SEMA6D: variants seen among roughly 807,000 people sequenced by gnomAD.
The protein encoded by SEMA6D is semaphorin 6D, also known as semaphorin-6D.
Under a neutral mutation model 106.6 loss-of-function variants are expected in SEMA6D, and 35 were observed. The observed-to-expected ratio is 0.33, with a 90% confidence interval of 0.25 to 0.44. SEMA6D has a LOEUF of 0.44. Among genes scored for constraint, SEMA6D ranks in the 20% least tolerant of loss-of-function variants. The probability of loss-of-function intolerance (pLI) is 1.00; values close to 1 mark genes in which losing one functional copy is unlikely to be tolerated. For missense variants in SEMA6D, 1,185 were observed against 1,345.9 expected, an observed-to-expected ratio of 0.88 and a Z score of 1.87; for synonymous variants, 499 against 487.7, an observed-to-expected ratio of 1.02 and a Z score of -0.31.
chr15:47,539,186 A>G (rs1049431056), intron 3 of SEMA6D, among the ~76,000 whole-genome samples: 1 of 152,146 alleles, frequency 6.6e-6, no homozygotes, highest in African/African-American at 2.4e-5. Flanking sequence ...AGTCTTTCCT[A>G]TATTGTGATG....
chr15:47,493,054 A>G (rs940999228), intron 3 of SEMA6D, among the ~76,000 whole-genome samples: 2 of 152,180 alleles, frequency 1.3e-5, no homozygotes, highest in Non-Finnish European at 2.9e-5. Context: ...CACAGATTTC[A>G]AATCAAAAAG....
chr15:47,292,106 A>G (rs1278366044), intron 1 of SEMA6D, among the ~76,000 whole-genome samples: 1 of 152,238 alleles, frequency 6.6e-6, no homozygotes, highest in African/African-American at 2.4e-5. Context: ...AAGCAAATAA[A>G]TGTGTGAATA....
intron 4 of SEMA6D, among the ~76,000 whole-genome samples, chr15:47,701,214 C>A (rs2078803591): frequency 6.6e-6 from 1 of 151,964 alleles, no homozygotes; most frequent in East Asian, 1.9e-4. Context: ...GGACTGTTGT[C>A]CAAAATATAT....
At chr15:47,475,824 C>T (rs1489684720) in intron 3 of SEMA6D, among the ~76,000 whole-genome samples, 3 of 152,170 alleles carry the variant, frequency 2.0e-5, no homozygotes, top group Non-Finnish European at 4.4e-5. Context: ...GACTGGATTA[C>T]CCTTGCTTCA....
intron 1 of SEMA6D, among the ~76,000 whole-genome samples, chr15:47,758,280 G>A (rs1446242783): frequency 6.6e-6 from 1 of 152,118 alleles, no homozygotes; most frequent in East Asian, 1.9e-4. Flanking sequence ...TTCACCTGAA[G>A]TCCATAAAAA....
intron 1 of SEMA6D, among the ~76,000 whole-genome samples, chr15:47,205,317 T>G (rs1408019179): frequency 6.6e-6 from 1 of 152,208 alleles, no homozygotes; most frequent in Non-Finnish European, 1.5e-5. Flanking sequence ...TGTGTCCTTC[T>G]ATATATTTCT....
At chr15:47,585,481 GA>G (rs2076322841) in intron 3 of SEMA6D, among the ~76,000 whole-genome samples, 1 of 152,110 alleles carries the variant, frequency 6.6e-6, no homozygotes, top group Non-Finnish European at 1.5e-5. Flanking sequence ...TCCTCTTCTT[GA>G]AAAGGTAATA....
chr15:47,758,245 T>C lies in SEMA6D; in HGVS notation c.-54-1500T>C, dbSNP rs73394855. Among the ~76,000 whole-genome samples the C allele has an allele frequency of 3.5e-3, 534 of 152,304 alleles. 4 individuals carry two copies. Among genetic ancestry groups the C allele is most frequent in the African/African-American group, 0.012 (517 of 41,570 alleles). ...TTTAGTTAGACACATATTTAGAGCA[T>C]TGGATAGCATGCATATCTGTGTGCT... On this transcript the variant is annotated intron_variant, in intron 1 of 18. Transcript: ENST00000536845.
At chr15:47,429,524 G>C (rs748081678) in intron 2 of SEMA6D, among the ~76,000 whole-genome samples, 2 of 152,094 alleles carry the variant, frequency 1.3e-5, no homozygotes, top group Non-Finnish European at 2.9e-5. Context: ...TGAGCGTATT[G>C]TGTTATCACC....
At chr15:47,463,572 T>A (rs1036085899) in intron 2 of SEMA6D, among the ~76,000 whole-genome samples, 2 of 152,182 alleles carry the variant, frequency 1.3e-5, no homozygotes, top group Non-Finnish European at 2.9e-5. Flanking sequence ...CTAAGAGTTG[T>A]AGAGTGTGTT....
Position 47,705,977 on chromosome 15 carries a change from G to A in SEMA6D, c.-54-53768G>A, listed in dbSNP as rs542064665. ...CCTTGTCCTAATCTACCTCAGTTAC[G>A]GGGCACATGTGAAAGACTGTTTGGG... On this transcript the variant is annotated intron_variant, in intron 4 of 19. Coordinates refer to the SEMA6D transcript ENST00000558014. Among the ~76,000 whole-genome samples the A allele has an allele frequency of 4.6e-5, 7 of 152,240 alleles. No individual in the cohort carries two copies. In the South Asian group the frequency reaches 1.0e-3, roughly 23 times the overall value.
chr15:47,350,770 A>G (rs1170661878), intron 1 of SEMA6D, among the ~76,000 whole-genome samples: 2 of 152,196 alleles, frequency 1.3e-5, no homozygotes, highest in Non-Finnish European at 2.9e-5. Context: ...TGTGGGTTCA[A>G]ATTGTTTGAA....
At chr15:47,272,000 G>A (rs936695475) in intron 1 of SEMA6D, among the ~76,000 whole-genome samples, 4 of 152,082 alleles carry the variant, frequency 2.6e-5, no homozygotes, top group Admixed American at 6.6e-5. Flanking sequence ...TCTTTTCAAG[G>A]CTTACATCAA....
chr15:47,271,010 G>T (rs1411016975), intron 1 of SEMA6D, among the ~76,000 whole-genome samples: 1 of 152,108 alleles, frequency 6.6e-6, no homozygotes, highest in Non-Finnish European at 1.5e-5. Context: ...AAACAGCTAA[G>T]TGTACAAAGC....
chr15:47,699,204 C>T (rs2078760234), intron 4 of SEMA6D, among the ~76,000 whole-genome samples: 1 of 152,110 alleles, frequency 6.6e-6, no homozygotes, highest in Non-Finnish European at 1.5e-5. Flanking sequence ...TCAGTGGGAA[C>T]CTATATTTTA....
chr15:47,326,884 TG>T (rs2037155848), intron 1 of SEMA6D, among the ~76,000 whole-genome samples: 2 of 152,182 alleles, frequency 1.3e-5, no homozygotes, highest in African/African-American at 4.8e-5. Flanking sequence ...GGTGACTCCC[TG>T]GAAAATTCTA....
chr15:47,232,924 A>C (rs2032302633), intron 1 of SEMA6D, among the ~76,000 whole-genome samples: 1 of 151,984 alleles, frequency 6.6e-6, no homozygotes, highest in African/African-American at 2.4e-5. Flanking sequence ...ACACACACAC[A>C]TACACACAAA....
chr15:47,634,799 A>G (rs975581349), intron 4 of SEMA6D, among the ~76,000 whole-genome samples: 2 of 130,120 alleles, frequency 1.5e-5, no homozygotes, highest in South Asian at 2.7e-4. Flanking sequence ...GAGGAAGAGC[A>G]CTGCCTGCTT....
chr15:47,244,636 C>T (rs2033102687), intron 1 of SEMA6D, among the ~76,000 whole-genome samples: 1 of 152,136 alleles, frequency 6.6e-6, no homozygotes, highest in African/African-American at 2.4e-5. Flanking sequence ...CTGACTCTGT[C>T]ATCCAAGCCT....
Sources: allele counts gnomAD v4.1 joint callset (sites outside exome capture counted in the v4.1 genomes callset), GRCh38; gene constraint gnomAD v4.1.1; transcripts MANE v1.5; gene names NCBI Gene and HGNC (gene_info 2026-07-23, HGNC 2026-07-21).